PAFAH1B1: variants seen among roughly 807,000 people sequenced by gnomAD.
The protein encoded by PAFAH1B1 is platelet activating factor acetylhydrolase 1b regulatory subunit 1.
In PAFAH1B1, 2 loss-of-function variants were observed where a neutral mutation model predicts 57.5. The observed-to-expected ratio is 0.03, with a 90% CI of 0.01 to 0.11. PAFAH1B1 has a LOEUF of 0.11. Among genes scored for constraint, PAFAH1B1 ranks in the 10% least tolerant of loss-of-function variants. The probability of loss-of-function intolerance (pLI) is 1.00; values close to 1 mark genes in which losing one functional copy is unlikely to be tolerated. For synonymous variants in PAFAH1B1, 152 were observed against 169.6 expected (o/e 0.90, Z 0.81); for missense variants, 257 against 512.0 (o/e 0.50, Z 4.81).
At chr17:2,649,351 T>C (rs145403551) in intron 2 of PAFAH1B1, among the ~76,000 whole-genome samples, 7 of 151,854 alleles carry the variant, frequency 4.6e-5, no homozygotes, top group Non-Finnish European at 1.0e-4. Context: ...GGCGGGTGAA[T>C]CACCTAAGAT....
chr17:2,626,897 A>C (rs901493389), intron 1 of PAFAH1B1, among the ~76,000 whole-genome samples: 30 of 152,010 alleles, frequency 2.0e-4, no homozygotes, highest in Non-Finnish European at 2.5e-4. Flanking sequence ...TCTTCTTTTG[A>C]GAATTGTCTC....
At position 2,683,175 on chromosome 17, in the gene PAFAH1B1, A is replaced by T. The variant is rs1310483953; in HGVS notation, c.*1373A>T. 4 of 152,204 alleles carry T rather than the reference A, an allele frequency of 2.6e-5. No individual in the cohort carries two copies. The highest frequency in any genetic ancestry group is 5.9e-5 in the Non-Finnish European group (4 of 68,038). 9.4% of individuals were successfully genotyped at this position (152,204 alleles called of 1,614,324 possible). ...AATTTAGCCGCTCGACATTTTACAC[A>T]ACCCGGATATGTTGTATATTTTGAC... On this transcript the variant is annotated 3_prime_UTR_variant, in exon 11 of 11. Coordinates refer to ENST00000397195, the MANE Select transcript of PAFAH1B1 (RefSeq NM_000430.4).
At chr17:2,655,852 G>A (rs1263377080) in intron 2 of PAFAH1B1, among the ~76,000 whole-genome samples, 8 of 152,138 alleles carry the variant, frequency 5.3e-5, no homozygotes, top group African/African-American at 1.9e-4. Context: ...AAAGTTATAT[G>A]CTGAGTAGCT....
At chr17:2,622,999 G>C (rs2068443865) in intron 1 of PAFAH1B1, among the ~76,000 whole-genome samples, 1 of 152,198 alleles carries the variant, frequency 6.6e-6, no homozygotes. Flanking sequence ...GCCCCTTTCA[G>C]CCACAGCTGG....
In PAFAH1B1 at chr17:2,684,263, C is replaced by G. The variant is rs2069434570; in HGVS notation, c.*2461C>G. The G allele has an allele frequency of 6.5e-6, 1 of 152,708 alleles. No individual in the cohort carries two copies. The highest frequency in any genetic ancestry group is 2.1e-4 in the South Asian group (1 of 4,826). The allele number at this position is 152,708 out of a possible 1,614,324, so 9.5% of individuals were successfully genotyped here. On this transcript the variant is annotated 3_prime_UTR_variant, in exon 11 of 11. Transcript: ENST00000397195. ...CGTCTACAACCTGGAATCAGATTTG[C>G]AAAATTTCCTGCACTGCTGTCTGAC...
intron 8 of PAFAH1B1, among the ~76,000 whole-genome samples, chr17:2,675,763 C>T (rs1345406888): frequency 6.6e-6 from 1 of 151,898 alleles, no homozygotes; most frequent in Non-Finnish European, 1.5e-5. Context: ...ATTGCTTGAT[C>T]CCAGGAGTTC....
chr17:2,597,735 T>C (rs1198716719), intron 1 of PAFAH1B1, among the ~76,000 whole-genome samples: 5 of 136,654 alleles, frequency 3.7e-5, no homozygotes, highest in African/African-American at 1.1e-4. Context: ...AAAAATAATA[T>C]AAATGTTTCT....
At chr17:2,595,801 C>G (rs887681509) in intron 1 of PAFAH1B1, among the ~76,000 whole-genome samples, 3 of 152,100 alleles carry the variant, frequency 2.0e-5, no homozygotes, top group Non-Finnish European at 4.4e-5. Context: ...CAATTTTTCA[C>G]TTGAAGTATT....
intron 5 of PAFAH1B1, among the ~76,000 whole-genome samples, chr17:2,669,780 CCCTTT>C (rs1474119462): frequency 6.6e-6 from 1 of 152,082 alleles, no homozygotes; most frequent in African/African-American, 2.4e-5. Context: ...CCCTTTCTTT[CCCTTT>C]CCTTTCCATC....
At position 2,638,092 on chromosome 17, in the gene PAFAH1B1, TCC is replaced by T; in HGVS notation, c.-190-6_-190-5del. 2.1e-6 allele frequency: 1 copy of T among 486,228 alleles called. No individual in the cohort carries two copies. The highest frequency in any genetic ancestry group is 3.7e-6 in the Non-Finnish European group (1 of 268,038). 30.1% of individuals were successfully genotyped at this position (486,228 alleles called of 1,614,324 possible). A position where few individuals can be genotyped will look rare whatever the true frequency, so the allele number is the denominator to read the frequency against. On this transcript the variant is annotated splice_region_variant and splice_polypyrimidine_tract_variant and intron_variant, in intron 1 of 10. Transcript: ENST00000397195. ...ATAATCTTTTTTTTTCTTCTCTTTC[TCC>T]TTAGGTGGAATGAATCTTACTTGTT...
At chr17:2,646,541 T>C (rs1453288257) in intron 2 of PAFAH1B1, among the ~76,000 whole-genome samples, 1 of 152,104 alleles carries the variant, frequency 6.6e-6, no homozygotes, top group Admixed American at 6.6e-5. Context: ...TAATCCCCAC[T>C]ACTCAGGAGC....
At chr17:2,664,662 A>ATCGCGC (rs1567554061) in intron 2 of PAFAH1B1, among the ~76,000 whole-genome samples, 2 of 90,300 alleles carry the variant, frequency 2.2e-5, no homozygotes, top group Non-Finnish European at 4.6e-5. Context: ...ATATCTATCT[A>ATCGCGC]TCGCTCTCTC....
chr17:2,647,662 C>T (rs2151641631), intron 2 of PAFAH1B1, among the ~76,000 whole-genome samples: 1 of 152,288 alleles, frequency 6.6e-6, no homozygotes, highest in East Asian at 1.9e-4. Context: ...TGTATTCATC[C>T]ACTCTCATGC....
Position 2,681,754 on chromosome 17 carries a change from C to A in PAFAH1B1, c.1185C>A (p.Val395=). Residue 395 remains valine, a synonymous_variant, in exon 11 of 11, where the codon GTC becomes GTA. Transcript: ENST00000397195. ...SLDFHKTAPY[V]VTGSVDQTVK... is the part of the protein sequence containing the mutation. ...ATTTCCACAAGACGGCACCCTATGT[C>A]GTCACTGGCAGCGTAGATCAAACAG... 1 of 1,612,930 alleles carries A rather than the reference C, an allele frequency of 6.2e-7. No homozygotes were observed. Among genetic ancestry groups the A allele is most frequent in the Non-Finnish European group, 8.5e-7 (1 of 1,179,850 alleles).
intron 1 of PAFAH1B1, among the ~76,000 whole-genome samples, chr17:2,620,778 C>G (rs949606403): frequency 6.6e-6 from 1 of 152,114 alleles, no homozygotes; most frequent in Non-Finnish European, 1.5e-5. Context: ...AGGAGAATCA[C>G]TTGAACCTGG....
chr17:2,680,890 G>T (rs1485825096), intron 10 of PAFAH1B1: 1 of 172,454 alleles, frequency 5.8e-6, no homozygotes, highest in African/African-American at 2.4e-5. Context: ...TTTATGCCAT[G>T]CCTGGAACAT....
chr17:2,610,317 CAAAAGA>C (rs2068253472), intron 1 of PAFAH1B1, among the ~76,000 whole-genome samples: 1 of 151,976 alleles, frequency 6.6e-6, no homozygotes, highest in African/African-American at 2.4e-5. Flanking sequence ...GAAACAAAAA[CAAAAGA>C]TAAAGATAAA....
intron 1 of PAFAH1B1, chr17:2,609,457 A>G (rs561022682): frequency 1.3e-5 from 2 of 152,346 alleles, no homozygotes; most frequent in East Asian, 1.9e-4. Context: ...GAAAAAAAGT[A>G]TAGCTTGACA....
At chr17:2,599,254 C>G (rs1177133006) in intron 1 of PAFAH1B1, among the ~76,000 whole-genome samples, 1 of 152,162 alleles carries the variant, frequency 6.6e-6, no homozygotes, top group Non-Finnish European at 1.5e-5. Context: ...ATTTCTTTTC[C>G]TGTCGAATGT....
Sources: allele counts gnomAD v4.1 joint callset (sites outside exome capture counted in the v4.1 genomes callset), GRCh38; gene constraint gnomAD v4.1.1; transcripts MANE v1.5; gene names NCBI Gene and HGNC (gene_info 2026-07-23, HGNC 2026-07-21).